ABHD6: variants seen among roughly 807,000 people sequenced by gnomAD.
The protein encoded by ABHD6 is abhydrolase domain containing 6, acylglycerol lipase, also known as monoacylglycerol lipase ABHD6.
Under a neutral mutation model 38.8 loss-of-function variants are expected in ABHD6, and 33 were observed. The observed-to-expected ratio is 0.85, with a 90% CI of 0.64 to 1.14. The LOEUF (loss-of-function observed/expected upper bound fraction) is 1.14, where lower values mean the gene tolerates loss of function less well. Among genes scored for constraint, ABHD6 ranks in the 50% most tolerant of loss-of-function variants. ABHD6 has a pLI of 0.00. For missense variants in ABHD6, 380 were observed against 422.6 expected, an observed-to-expected ratio of 0.90 and a Z score of 0.88; for synonymous variants, 147 against 161.6, an observed-to-expected ratio of 0.91 and a Z score of 0.69.
chr3:58,238,962 C>A lies in ABHD6; in HGVS notation c.-91+1046C>A, dbSNP rs913318494. On this transcript the variant is annotated intron_variant, in intron 1 of 9. Transcript: ENST00000478253. This position sits in a 1 kb window ranked among gnomAD's most constrained non-coding sequence, Gnocchi z 6.9. ...TGTGTGCCAGGCCCTGTCCTAAGCC[C>A]CTTAAAAGAATTACCTGCCATACTT... Among the ~76,000 whole-genome samples, 1 of 151,992 alleles carries A rather than the reference C, an allele frequency of 6.6e-6. No homozygotes were observed. The highest frequency in any genetic ancestry group is 1.5e-5 in the Non-Finnish European group (1 of 68,008).
chr3:58,262,349 A>G (rs1258542928), intron 3 of ABHD6, among the ~76,000 whole-genome samples: 3 of 152,238 alleles, frequency 2.0e-5, no homozygotes, highest in Admixed American at 2.0e-4. Flanking sequence ...GTATAAAAAA[A>G]TCTGTAAGTA....
chr3:58,289,910 AG>A (rs1424320718), intron 9 of ABHD6, among the ~76,000 whole-genome samples: 1 of 139,090 alleles, frequency 7.2e-6, no homozygotes, highest in Non-Finnish European at 1.5e-5. Context: ...GGCCGGGCAG[AG>A]GGGCTCCTCA....
rs139533510 is a variant in ABHD6 at position 58,287,564 on chromosome 3, C to A, written c.837+2111C>A. Among the ~76,000 whole-genome samples, 1 of 152,254 alleles carries A rather than the reference C, an allele frequency of 6.6e-6. No homozygotes were observed. Among genetic ancestry groups the A allele is most frequent in the East Asian group, 1.9e-4 (1 of 5,170 alleles). On this transcript the variant is annotated intron_variant, in intron 9 of 9. Transcript: ENST00000478253. This position sits in a 1 kb window ranked among gnomAD's most constrained non-coding sequence, Gnocchi z 4.7. ...GGATCTCATGTGCTCTCTTCTGCAG[C>A]GCCAAGGGACTGAAAGAAGCTTTGT...
chr3:58,257,361 G>C lies in ABHD6; in HGVS notation c.119+656G>C, dbSNP rs992609503. The stretch of plus-strand genomic sequence containing the variant: ...GTTTGTTGGTTGGTTGGTTTTTTGG[G>C]TTTTTGTTTGGTTTTTTTTTTGAAA... On this transcript the variant is annotated intron_variant, in intron 3 of 9. Coordinates refer to ENST00000478253, the MANE Select transcript of ABHD6 (RefSeq NM_001320126.2). The surrounding 1 kb of genome is among the most constrained non-coding windows in gnomAD (Gnocchi z 4.8). Among the ~76,000 whole-genome samples the C allele has an allele frequency of 2.3e-5, 3 of 132,270 alleles. No homozygotes were observed. Among genetic ancestry groups the C allele is most frequent in the Admixed American group, 1.6e-4 (2 of 12,578 alleles). The allele number at this position is 132,270 out of a possible 152,430, so 86.8% of individuals were successfully genotyped here.
chr3:58,258,428 G>A, intron 3 of ABHD6: 1 of 409,400 alleles, frequency 2.4e-6, no homozygotes, highest in Admixed American at 2.8e-5. Context: ...AGATGTAGCA[G>A]CCCTGAGCTG....
chr3:58,274,694 G>C lies in ABHD6; in HGVS notation c.560G>C (p.Arg187Pro), dbSNP rs1178904891. Residue 187 changes from arginine (R) to proline (P), a missense_variant, in exon 7 of 10, where the codon CGG becomes CCG. Coordinates refer to ENST00000478253, the MANE Select transcript of ABHD6 (RefSeq NM_001320126.2). ...QYSTDNQFVQ[R>P]LKELQGSAAV... ...TCAACTGACAATCAATTTGTACAAC[G>C]GCTCAAAGAACTGCAGGGCTCTGCC... The C allele has an allele frequency of 1.2e-6, 2 of 1,614,180 alleles. No individual in the cohort carries two copies. Among genetic ancestry groups the C allele is most frequent in the Middle Eastern group, 1.6e-4 (1 of 6,062 alleles).
rs1378289427 is a variant in ABHD6 at position 58,269,628 on chromosome 3, C to A, written c.390+194C>A. On this transcript the variant is annotated intron_variant, in intron 5 of 9. Coordinates refer to ENST00000478253, the MANE Select transcript of ABHD6 (RefSeq NM_001320126.2). The surrounding 1 kb of genome is among the most constrained non-coding windows in gnomAD (Gnocchi z 4.4). Reference sequence around the variant, plus strand: ...GGCAATGGAGGGCCAGGGCTTATTACAGACTTAAGCCTATTGCAGTTGTTT... The same window carrying A: ...GGCAATGGAGGGCCAGGGCTTATTAAAGACTTAAGCCTATTGCAGTTGTTT... 6.6e-6 allele frequency among the ~76,000 whole-genome samples: 1 copy of A among 152,222 alleles called. No homozygotes were observed. The highest frequency in any genetic ancestry group is 1.5e-5 in the Non-Finnish European group (1 of 68,044).
intron 7 of ABHD6, among the ~76,000 whole-genome samples, chr3:58,275,795 C>T (rs1339053496): frequency 6.6e-6 from 1 of 151,718 alleles, no homozygotes; most frequent in Non-Finnish European, 1.5e-5. Context: ...CTTCCCCCAG[C>T]CCCCTACCCC....
chr3:58,256,625 C>T lies in ABHD6; in HGVS notation c.39C>T (p.Gly13=), dbSNP rs764442773. 19 of 1,614,004 alleles carry T rather than the reference C, an allele frequency of 1.2e-5. No individual in the cohort carries two copies. In the East Asian group the frequency reaches 1.6e-4, roughly 13 times the overall value. The change falls in exon 3 of 10, where the codon GGC becomes GGT. Residue 13 remains glycine (G), a synonymous_variant. Coordinates refer to ENST00000478253, the MANE Select transcript of ABHD6 (RefSeq NM_001320126.2). The surrounding 1 kb of genome is among the most constrained non-coding windows in gnomAD (Gnocchi z 4.3). ...LDVVNMFVIA[G]GTLAIPILAF... is the part of the protein sequence containing the mutation. ...TGGTTAACATGTTTGTGATTGCGGG[C>T]GGCACGCTGGCCATCCCAATCCTGG...
rs552277067 is a variant in ABHD6 at position 58,244,114 on chromosome 3, G to A, written c.-90-5764G>A. Among the ~76,000 whole-genome samples, 16 of 152,302 alleles carry A rather than the reference G, an allele frequency of 1.1e-4. No homozygotes were observed. The South Asian group carries it at 1.2e-3, about 12-fold the overall frequency. ...TTTGGCTCTGCGTCTCTGCCTGGTC[G>A]TCAGATGTTTTGCAAATATGACATA... On this transcript the variant is annotated intron_variant, in intron 1 of 9. Transcript: ENST00000478253.
At chr3:58,242,991 A>G (rs1286390194) in intron 1 of ABHD6, among the ~76,000 whole-genome samples, 1 of 151,880 alleles carries the variant, frequency 6.6e-6, no homozygotes, top group Non-Finnish European at 1.5e-5. Context: ...CTGTCCTTGG[A>G]ATAGTTTGCT....
chr3:58,261,337 A>C (rs1045411759), intron 3 of ABHD6, among the ~76,000 whole-genome samples: 2 of 152,224 alleles, frequency 1.3e-5, no homozygotes, highest in Non-Finnish European at 2.9e-5. Flanking sequence ...TGGAATTAAT[A>C]AGTGAATTTG....
Position 58,269,249 on chromosome 3 carries a change from C to A in ABHD6, c.277-72C>A. ...GCTGTCTGGGTCACTGTACATGGGG[C>A]AACCTCCCAAGAAAATGGGCAGACA... On this transcript the variant is annotated intron_variant, in intron 4 of 9. Coordinates refer to ENST00000478253, the MANE Select transcript of ABHD6 (RefSeq NM_001320126.2). The surrounding 1 kb of genome is among the most constrained non-coding windows in gnomAD (Gnocchi z 4.4). 1.7e-6 allele frequency: 2 copies of A among 1,182,674 alleles called. No homozygotes were observed. Among genetic ancestry groups the A allele is most frequent in the South Asian group, 1.3e-5 (1 of 76,870 alleles). 73.3% of individuals were successfully genotyped at this position (1,182,674 alleles called of 1,614,324 possible).
chr3:58,286,551 C>T (rs116790264), intron 9 of ABHD6, among the ~76,000 whole-genome samples: 3,453 of 152,036 alleles, frequency 0.023, 68 homozygotes, highest in Admixed American at 0.045. Context: ...CACACCTGGA[C>T]ACAGTTGAGT....
intron 9 of ABHD6, among the ~76,000 whole-genome samples, chr3:58,289,073 G>A (rs993209167): frequency 6.6e-6 from 1 of 151,940 alleles, no homozygotes; most frequent in Non-Finnish European, 1.5e-5. Flanking sequence ...TGTTTGTTCT[G>A]AGACTGGTTC....
rs1001343171 is a variant in ABHD6 at position 58,256,645 on chromosome 3, T to A, written c.59T>A (p.Ile20Asn). 4 of 1,613,806 alleles carry A rather than the reference T, an allele frequency of 2.5e-6. No individual in the cohort carries two copies. In the Admixed American group the frequency reaches 6.7e-5, roughly 27 times the overall value. Residue 20 changes from isoleucine to asparagine, a missense_variant, in exon 3 of 10, where the codon ATC (isoleucine) becomes AAC (asparagine). Physicochemically the swap from Ile to Asn is moderately radical, Grantham distance 149 (BLOSUM62 -3). Transcript: ENST00000478253. This position sits in a 1 kb window ranked among gnomAD's most constrained non-coding sequence, Gnocchi z 4.3. ...VIAGGTLAIPILAFVASFLLW... is the reference protein window; with the variant it reads ...VIAGGTLAIPNLAFVASFLLW... ...GCGGGCGGCACGCTGGCCATCCCAA[T>A]CCTGGCATTTGTGGCTTCATTTCTT...
In ABHD6 at chr3:58,293,949, C is replaced by A; in HGVS notation, c.*184C>A. 1 of 545,244 alleles carries A rather than the reference C, an allele frequency of 1.8e-6. No individual in the cohort carries two copies. Among genetic ancestry groups the A allele is most frequent in the Non-Finnish European group, 3.1e-6 (1 of 327,340 alleles). The allele number at this position is 545,244 out of a possible 1,614,324, so 33.8% of individuals were successfully genotyped here. On this transcript the variant is annotated 3_prime_UTR_variant, in exon 10 of 10. Transcript: ENST00000478253. This position sits in a 1 kb window ranked among gnomAD's most constrained non-coding sequence, Gnocchi z 4.4. ...GCTTTGGGGACCACGCGAAAACCTC[C>A]AAGATATTTTTCACAAAATAGAAAC...
intron 9 of ABHD6, among the ~76,000 whole-genome samples, chr3:58,290,146 G>A (rs1479295627): frequency 1.7e-5 from 2 of 114,352 alleles, no homozygotes; most frequent in Non-Finnish European, 1.8e-5. Context: ...CTCCCGGACG[G>A]GGCGGCTGGC....
chr3:58,258,451 T>C (rs1342681376), intron 3 of ABHD6: 1 of 368,240 alleles, frequency 2.7e-6, no homozygotes, highest in East Asian at 8.5e-5. Context: ...CCTTTCTCCT[T>C]GTTGGAATCA....
Sources: gnomAD v4.1 joint callset for allele counts (sites outside exome capture counted in the v4.1 genomes callset) on GRCh38, gnomAD v4.1.1 for gene constraint, Gnocchi (gnomAD v3.1) non-coding constraint, MANE v1.5 for transcripts, NCBI Gene and HGNC (gene_info 2026-07-23, HGNC 2026-07-21) for gene names.